TSFM: variants seen among roughly 807,000 people sequenced by gnomAD.
TSFM encodes Ts translation elongation factor, mitochondrial, also known as elongation factor Ts, mitochondrial.
A neutral mutation model predicts 33.4 loss-of-function variants in TSFM; 29 were observed. That is an observed-to-expected ratio of 0.87 (90% confidence interval 0.65 to 1.18). TSFM has a LOEUF of 1.18. Ranked by LOEUF, TSFM falls within the 50% of genes most tolerant of loss-of-function variation. The pLI is 0.00. For synonymous variants in TSFM, 178 were observed against 163.5 expected, an observed-to-expected ratio of 1.09 and a Z score of -0.68; for missense variants, 394 against 395.6, an observed-to-expected ratio of 1.00 and a Z score of 0.04.
Position 57,796,601 on chromosome 12 carries a change from C to T in TSFM, c.*18C>T, listed in dbSNP as rs536652081. 11 of 1,362,922 alleles carry T rather than the reference C, an allele frequency of 8.1e-6. No homozygotes were observed. The Admixed American group carries it at 2.0e-4, about 25-fold the overall frequency. 84.4% of individuals were successfully genotyped at this position (1,362,922 alleles called of 1,614,324 possible). A position where few individuals can be genotyped will look rare whatever the true frequency, so the allele number is the denominator to read the frequency against. On this transcript the variant is annotated 3_prime_UTR_variant, in exon 6 of 6. Transcript: ENST00000652027. ...CTGAATAGGTTCCAGAGACTTTTGGCCCAGGAGGAATATTTACTTTTAGCT... is the reference window on the plus strand; with the variant it reads ...CTGAATAGGTTCCAGAGACTTTTGGTCCAGGAGGAATATTTACTTTTAGCT...
rs781430474 is a variant in TSFM, at chr12:57,796,138, A to C, written c.572-39A>C. ...TTTTGGTACCATCACAGACATCACA[A>C]TTTGTTGGTGTGTTGGTTTTTTGTT... On this transcript the variant is annotated intron_variant, in intron 5 of 5. Coordinates refer to ENST00000652027, the MANE Select transcript of TSFM (RefSeq NM_005726.6). The C allele has an allele frequency of 5.9e-5, 91 of 1,534,266 alleles. 1 individual carries two copies. The Middle Eastern group carries it at 7.0e-4, about 12-fold the overall frequency.
chr12:57,792,339 A>G (rs1405247828), intron 4 of TSFM, among the ~76,000 whole-genome samples: 1 of 152,244 alleles, frequency 6.6e-6, no homozygotes, highest in East Asian at 1.9e-4. Flanking sequence ...TCTTAAGCTA[A>G]GAGTTCAAGA....
At chr12:57,783,431 T>C in intron 2 of TSFM, 148 bp downstream of exon 2, 2 of 1,034,662 alleles carry the variant, frequency 1.9e-6, no homozygotes, top group Middle Eastern at 4.1e-4. Flanking sequence ...ATGACAACCT[T>C]GGCCTTGACT....
intron 5 of TSFM, among the ~76,000 whole-genome samples, chr12:57,794,687 C>G (rs1459655458): frequency 1.3e-5 from 2 of 152,224 alleles, no homozygotes; most frequent in African/African-American, 2.4e-5. Context: ...TACCTAAGTT[C>G]TCTAAGCCTA....
At chr12:57,789,105 G>T (rs1232758018) in intron 4 of TSFM, among the ~76,000 whole-genome samples, 1 of 151,828 alleles carries the variant, frequency 6.6e-6, no homozygotes, top group Non-Finnish European at 1.5e-5. Context: ...GGGATTACAG[G>T]CACCTGCCAT....
At chr12:57,802,154 T>G, downstream of TSFM, 1 of 1,613,770 alleles carries the variant, frequency 6.2e-7, no homozygotes, top group Non-Finnish European at 8.5e-7. Context: ...TACTCTCTTT[T>G]CTTACACTCC....
chr12:57,794,099 T>C (rs1002655650), intron 5 of TSFM, among the ~76,000 whole-genome samples: 3 of 152,210 alleles, frequency 2.0e-5, no homozygotes, highest in Non-Finnish European at 4.4e-5. Flanking sequence ...TATCAGGTCA[T>C]CTTGTATTAT....
chr12:57,786,288 A>G lies in TSFM; in HGVS notation c.357A>G (p.Val119=), dbSNP rs2140417220. The G allele has an allele frequency of 2.5e-6, 4 of 1,610,898 alleles. No homozygotes were observed. The highest frequency in any genetic ancestry group is 1.7e-5 in the Admixed American group (1 of 59,690). The stretch of plus-strand genomic sequence containing the variant: ...AGGAAGGAAACACAACTGTATTAGT[A>G]GAGGTGAGTTGTTGGAAATTCCAGA... ...LLQEGNTTVL[V]EVNCETDFVS... Residue 119 remains valine, a synonymous_variant, in exon 3 of 6, where the codon GTA becomes GTG. Coordinates refer to ENST00000652027, the MANE Select transcript of TSFM (RefSeq NM_005726.6).
chr12:57,787,036 A>G lies in TSFM; in HGVS notation c.361-4A>G, dbSNP rs761276679. ...TATACAGCTATATCAATTTGTTCCC[A>G]CAGGTAAACTGTGAGACAGATTTTG... On this transcript the variant is annotated splice_region_variant and splice_polypyrimidine_tract_variant and intron_variant, in intron 3 of 5. Transcript: ENST00000652027. 1.2e-6 allele frequency: 2 copies of G among 1,613,102 alleles called. No individual in the cohort carries two copies. Among genetic ancestry groups the G allele is most frequent in the East Asian group, 2.2e-5 (1 of 44,874 alleles).
chr12:57,801,143 C>A, downstream of TSFM: 5 of 1,613,456 alleles, frequency 3.1e-6, no homozygotes, highest in Non-Finnish European at 4.2e-6. Context: ...ACCCGACTCA[C>A]AGCAGTGATT....
intron 2 of TSFM, among the ~76,000 whole-genome samples, chr12:57,784,619 C>G (rs991708719): frequency 6.6e-6 from 1 of 151,838 alleles, no homozygotes. Flanking sequence ...TGGCTCATGC[C>G]TGTAATCTCA....
chr12:57,783,158 G>T lies in TSFM; in HGVS notation c.106G>T (p.Ala36Ser), dbSNP rs963304307. ...QSPQPRHTFY[A>S]GPRLSASASS... is the part of the protein sequence containing the mutation. ...GCCCCAGCCAAGGCACACATTTTATGCTGGGCCCCGTCTGTCTGCCTCGGC... is the reference window on the plus strand; with the variant it reads ...GCCCCAGCCAAGGCACACATTTTATTCTGGGCCCCGTCTGTCTGCCTCGGC... Residue 36 changes from alanine (A) to serine (S), a missense_variant, in exon 2 of 6, where the codon GCT (alanine) becomes TCT (serine). By Grantham distance (99) the Ala-to-Ser change is moderately conservative. Around this residue, in one of 3 missense-constraint regions of TSFM, gnomAD observed 208 missense variants for 180.4 expected, o/e 1.15. Transcript: ENST00000652027. 6.2e-7 allele frequency: 1 copy of T among 1,613,052 alleles called. No homozygotes were observed. Among genetic ancestry groups the T allele is most frequent in the Non-Finnish European group, 8.5e-7 (1 of 1,179,880 alleles).
chr12:57,786,447 C>T (rs763119643), intron 3 of TSFM, among the ~76,000 whole-genome samples, 156 bp downstream of exon 3: 1 of 152,196 alleles, frequency 6.6e-6, no homozygotes, highest in African/African-American at 2.4e-5. Flanking sequence ...GTATTAGTTA[C>T]GAATTCGTTT....
intron 1 of TSFM, 36 bp downstream of exon 1, chr12:57,782,894 C>G: frequency 7.7e-6 from 12 of 1,567,062 alleles, no homozygotes; most frequent in Non-Finnish European, 1.0e-5. Context: ...ACCTGCTGTC[C>G]CTGCAGCTCT....
downstream of TSFM, among the ~76,000 whole-genome samples, chr12:57,798,388 A>T (rs889558416): frequency 2.0e-5 from 3 of 152,224 alleles, no homozygotes; most frequent in African/African-American, 7.2e-5. Flanking sequence ...AAATTTTCAA[A>T]TGCATGATCG....
At chr12:57,794,464 G>T (rs1265862405) in intron 5 of TSFM, among the ~76,000 whole-genome samples, 1 of 152,178 alleles carries the variant, frequency 6.6e-6, no homozygotes, top group African/African-American at 2.4e-5. Flanking sequence ...AATAACTCTT[G>T]ACAATGTTAT....
Position 57,793,156 on chromosome 12 carries a change from A to C in TSFM, c.571+83A>C, listed in dbSNP as rs1955686762. The C allele has an allele frequency of 1.3e-5, 16 of 1,209,314 alleles. No homozygotes were observed. The South Asian group carries it at 2.0e-4, about 15-fold the overall frequency. The allele number at this position is 1,209,314 out of a possible 1,614,324, so 74.9% of individuals were successfully genotyped here. ...TTGTTCCTCCAAATCTAGGTCAAGA[A>C]TCATGTGCCTACAAGGGTCAGATGA... On this transcript the variant is annotated intron_variant, in intron 5 of 5. Transcript: ENST00000652027.
intron 2 of TSFM, among the ~76,000 whole-genome samples, chr12:57,785,229 AC>A (rs898005200): frequency 3.9e-5 from 6 of 152,086 alleles, no homozygotes; most frequent in African/African-American, 1.2e-4. Context: ...CCTGGCCAAA[AC>A]TTTTTTTAAG....
At position 57,786,306 on chromosome 12, in the gene TSFM, A is replaced by G; in HGVS notation, c.360+15A>G. On this transcript the variant is annotated intron_variant, in intron 3 of 5. Coordinates refer to ENST00000652027, the MANE Select transcript of TSFM (RefSeq NM_005726.6). ...TATTAGTAGAGGTGAGTTGTTGGAA[A>G]TTCCAGATACCAAGAACAGCTGTCC... 1.2e-6 allele frequency: 2 copies of G among 1,608,240 alleles called. No homozygotes were observed. The highest frequency in any genetic ancestry group is 1.7e-6 in the Non-Finnish European group (2 of 1,176,732).
Sources: allele counts gnomAD v4.1 joint callset (sites outside exome capture counted in the v4.1 genomes callset), GRCh38; gene constraint gnomAD v4.1.1; regional missense constraint gnomAD v4.1.1; transcripts MANE v1.5; gene names NCBI Gene and HGNC (gene_info 2026-07-23, HGNC 2026-07-21).